Variants in XKR6 observed in about 807,000 individuals in gnomAD.
XKR6 encodes the protein XK-related protein 6.
Under a neutral mutation model 56.7 loss-of-function variants are expected in XKR6, and 22 were observed. The observed-to-expected ratio is 0.39, with a 90% CI of 0.28 to 0.55. XKR6 has a LOEUF of 0.55. XKR6 is among the 20% of genes least tolerant of loss of function. The pLI, the probability that XKR6 is intolerant of heterozygous loss-of-function variation, is 0.66. For missense variants in XKR6, 852 were observed against 889.0 expected (o/e 0.96, Z 0.53); for synonymous variants, 524 against 387.8 (o/e 1.35, Z -4.13).
At chr8:11,164,996 G>C (rs1801997677) in intron 1 of XKR6, among the ~76,000 whole-genome samples, 1 of 151,214 alleles carries the variant, frequency 6.6e-6, no homozygotes. Flanking sequence ...AGAACCAGAG[G>C]TACCAACAGG....
chr8:11,115,639 C>CAA (rs34673445), intron 1 of XKR6, among the ~76,000 whole-genome samples: 8,978 of 151,966 alleles, frequency 0.059, 797 homozygotes, highest in African/African-American at 0.2. Context: ...GATACGTTAC[C>CAA]AAAAAAATGT....
At chr8:11,165,111 T>C (rs2117024801) in intron 1 of XKR6, among the ~76,000 whole-genome samples, 1 of 143,872 alleles carries the variant, frequency 7.0e-6, no homozygotes, top group African/African-American at 2.6e-5. Context: ...TTTTTTTTTT[T>C]TTTTTTGAGA....
intron 2 of XKR6, among the ~76,000 whole-genome samples, chr8:10,915,619 C>A (rs1440124649): frequency 1.3e-5 from 2 of 152,116 alleles, no homozygotes; most frequent in Non-Finnish European, 2.9e-5. Context: ...TGGTGCAGTG[C>A]GAGCGTTCAA....
At chr8:11,058,588 C>G (rs1340340355) in intron 1 of XKR6, among the ~76,000 whole-genome samples, 1 of 152,140 alleles carries the variant, frequency 6.6e-6, no homozygotes, top group East Asian at 1.9e-4. Context: ...AACACAGGAA[C>G]AGAAAACCAA....
intron 1 of XKR6, among the ~76,000 whole-genome samples, chr8:10,944,903 G>A (rs537429685): frequency 9.2e-5 from 14 of 152,298 alleles, no homozygotes; most frequent in Admixed American, 8.5e-4. Flanking sequence ...GTCTGAGAAC[G>A]CAGGGATGAA....
chr8:10,954,866 C>CT lies in XKR6; in HGVS notation c.765-30037dup, dbSNP rs34248780. 9.7e-3 allele frequency among the ~76,000 whole-genome samples: 896 copies of CT among 92,798 alleles called. 46 individuals carry two copies. The highest frequency in any genetic ancestry group is 0.013 in the Non-Finnish European group (586 of 45,944). 60.9% of individuals were successfully genotyped at this position (92,798 alleles called of 152,430 possible). The stretch of plus-strand genomic sequence containing the variant: ...TAAGGTAAGGGTCTAACTTCATTCT[C>CT]TTTTTTTTTTTTTTTTTTTTAGACA... On this transcript the variant is annotated intron_variant, in intron 1 of 2. Coordinates refer to ENST00000416569, the MANE Select transcript of XKR6 (RefSeq NM_173683.4).
At chr8:11,087,276 A>G (rs778380136) in intron 1 of XKR6, among the ~76,000 whole-genome samples, 37 of 152,152 alleles carry the variant, frequency 2.4e-4, no homozygotes, top group Non-Finnish European at 4.7e-4. Context: ...GGCCTCCACT[A>G]TTGGTGAACC....
intron 1 of XKR6, among the ~76,000 whole-genome samples, chr8:11,192,607 T>C (rs1242628950): frequency 6.6e-6 from 1 of 152,054 alleles, no homozygotes; most frequent in African/African-American, 2.4e-5. Flanking sequence ...AGAGTGAGAA[T>C]CTGTTTCTTT....
rs1356037279 is a variant in XKR6, at chr8:11,116,914, G to A, written c.764+83662C>T. Among the ~76,000 whole-genome samples, 77 of 152,088 alleles carry A rather than the reference G, an allele frequency of 5.1e-4. 2 individuals carry two copies. The highest frequency in any genetic ancestry group is 5.0e-3 in the Admixed American group (77 of 15,270). On this transcript the variant is annotated intron_variant, in intron 1 of 2. Transcript: ENST00000416569. Reference sequence around the variant, plus strand: ...CTTTAGGCCTTTGATGATAAAATAAGGAGGCTGAATCCTCAGAGGTATATT... The same window carrying A: ...CTTTAGGCCTTTGATGATAAAATAAAGAGGCTGAATCCTCAGAGGTATATT...
At chr8:11,093,266 G>A (rs1798142765) in intron 1 of XKR6, among the ~76,000 whole-genome samples, 2 of 152,124 alleles carry the variant, frequency 1.3e-5, no homozygotes, top group South Asian at 2.1e-4. Flanking sequence ...TGTTGACCAG[G>A]CTAGTGTCGA....
At chr8:10,942,502 C>T (rs182816638) in intron 1 of XKR6, among the ~76,000 whole-genome samples, 16 of 152,316 alleles carry the variant, frequency 1.1e-4, no homozygotes, top group African/African-American at 3.6e-4. Flanking sequence ...CCCGGTCACT[C>T]GCCATCACTG....
At chr8:11,142,202 T>C (rs937412274) in intron 1 of XKR6, among the ~76,000 whole-genome samples, 38 of 152,224 alleles carry the variant, frequency 2.5e-4, no homozygotes, top group African/African-American at 8.4e-4. Flanking sequence ...CCAGCATCTA[T>C]ACTCAGGTCT....
intron 1 of XKR6, chr8:11,137,198 A>G (rs1280285132): frequency 1.1e-5 from 2 of 175,472 alleles, no homozygotes; most frequent in Admixed American, 1.2e-4. Context: ...GCTAAAACAT[A>G]CAGCTGTAGG....
At chr8:11,001,077 T>C (rs1046144100) in intron 1 of XKR6, among the ~76,000 whole-genome samples, 2 of 152,232 alleles carry the variant, frequency 1.3e-5, no homozygotes, top group South Asian at 2.1e-4. Flanking sequence ...GAACAATTGC[T>C]GGCCTCATTG....
rs5889356 is a variant in XKR6, at chr8:11,045,075, CTTTTTTTTTTTTTTTTTT to C, written c.765-120263_765-120246del. 1.9e-4 allele frequency among the ~76,000 whole-genome samples: 7 copies of C among 36,036 alleles called. 1 individual carries two copies. Among genetic ancestry groups the C allele is most frequent in the East Asian group, 1.1e-3 (1 of 916 alleles). 23.6% of individuals were successfully genotyped at this position (36,036 alleles called of 152,430 possible). On this transcript the variant is annotated intron_variant, in intron 1 of 2. Coordinates refer to ENST00000416569, the MANE Select transcript of XKR6 (RefSeq NM_173683.4). ...TTACCATTTCCACCCTCAAATCACT[CTTTTTTTTTTTTTTTTTT>C]TTTTTTTTTTTTTGAGGAAGTGTCG...
At chr8:10,963,176 G>A (rs909865071) in intron 1 of XKR6, among the ~76,000 whole-genome samples, 1 of 152,098 alleles carries the variant, frequency 6.6e-6, no homozygotes, top group Non-Finnish European at 1.5e-5. Flanking sequence ...CCACTTCCCC[G>A]CTGGCCTTCT....
chr8:11,047,017 T>C (rs998864133), intron 1 of XKR6, among the ~76,000 whole-genome samples: 1 of 151,968 alleles, frequency 6.6e-6, no homozygotes, highest in Admixed American at 6.6e-5. Flanking sequence ...GGGGCGGGTG[T>C]TGGTCAAAGG....
chr8:11,110,805 A>T (rs566816076), intron 1 of XKR6, among the ~76,000 whole-genome samples: 1 of 152,026 alleles, frequency 6.6e-6, no homozygotes, highest in East Asian at 1.9e-4. Context: ...ACAGTTTTAA[A>T]TAGCATGTTC....
At chr8:10,902,887 C>G (rs2129107418) in intron 2 of XKR6, among the ~76,000 whole-genome samples, 1 of 152,328 alleles carries the variant, frequency 6.6e-6, no homozygotes, top group East Asian at 1.9e-4. Context: ...TTACCCCCAT[C>G]ACTTTCTAAT....
Sources: gnomAD v4.1 joint callset for allele counts (sites outside exome capture counted in the v4.1 genomes callset) on GRCh38, gnomAD v4.1.1 for gene constraint, MANE v1.5 for transcripts, NCBI Gene and HGNC (gene_info 2026-07-23, HGNC 2026-07-21) for gene names.